The following MCMDC2 variants were observed in gnomAD, a reference collection of about 807,000 sequenced individuals.
MCMDC2 encodes minichromosome maintenance domain-containing protein 2.
A neutral mutation model predicts 75.8 loss-of-function variants in MCMDC2; 54 were observed. The ratio of observed to expected loss-of-function variants is 0.71; its 90% confidence interval spans 0.57 to 0.89. MCMDC2 has a LOEUF of 0.89. Ranked by LOEUF, MCMDC2 falls within the 40% of genes least tolerant of loss-of-function variation. The pLI is 0.00. For synonymous variants in MCMDC2, 249 were observed against 274.6 expected, an observed-to-expected ratio of 0.91 and a Z score of 0.92; for missense variants, 656 against 780.4, an observed-to-expected ratio of 0.84 and a Z score of 1.90.
chr8:66,919,173 A>G lies in MCMDC2; in HGVS notation c.*4A>G. 6.5e-7 allele frequency: 1 copy of G among 1,533,202 alleles called. No individual in the cohort carries two copies. The highest frequency in any genetic ancestry group is 8.8e-7 in the Non-Finnish European group (1 of 1,140,824). 95.0% of individuals were successfully genotyped at this position (1,533,202 alleles called of 1,614,324 possible). A position where few individuals can be genotyped will look rare whatever the true frequency, so the allele number is the denominator to read the frequency against. On this transcript the variant is annotated 3_prime_UTR_variant, in exon 15 of 15. Transcript: ENST00000422365. Reference sequence around the variant, plus strand: ...TATTTTCTCTAGTGATGAATAAGCAATTTGAGGAATTTTTGTTCATTCCTA... The same window carrying G: ...TATTTTCTCTAGTGATGAATAAGCAGTTTGAGGAATTTTTGTTCATTCCTA...
intron 9 of MCMDC2, chr8:66,884,444 C>G (rs894455423): frequency 6.2e-6 from 1 of 162,164 alleles, no homozygotes; most frequent in Admixed American, 6.4e-5. Flanking sequence ...TGGAGTAAGC[C>G]TCTATTTAGC....
At chr8:66,891,384 G>A (rs1036282183) in intron 10 of MCMDC2, among the ~76,000 whole-genome samples, 3 of 152,162 alleles carry the variant, frequency 2.0e-5, no homozygotes, top group Non-Finnish European at 4.4e-5. Context: ...GGACATCCTC[G>A]CCTTGTTCCT....
intron 14 of MCMDC2, among the ~76,000 whole-genome samples, chr8:66,912,977 A>G (rs1023855825): frequency 1.3e-5 from 2 of 152,088 alleles, no homozygotes; most frequent in African/African-American, 4.8e-5. Flanking sequence ...AAAAACCAAC[A>G]TCACATGCTA....
chr8:66,912,939 CAT>C (rs1343426927), intron 14 of MCMDC2, among the ~76,000 whole-genome samples: 1 of 151,300 alleles, frequency 6.6e-6, no homozygotes. Flanking sequence ...TAATAAAAAA[CAT>C]AAATAAAATA....
At chr8:66,878,293 A>G (rs1811391806) in intron 5 of MCMDC2, among the ~76,000 whole-genome samples, 1 of 152,294 alleles carries the variant, frequency 6.6e-6, no homozygotes, top group South Asian at 2.1e-4. Flanking sequence ...ACATATAGAA[A>G]TTGTGTGCTT....
intron 13 of MCMDC2, among the ~76,000 whole-genome samples, chr8:66,904,299 T>G (rs1812822572): frequency 6.6e-6 from 1 of 152,076 alleles, no homozygotes; most frequent in African/African-American, 2.4e-5. Context: ...TAGAAATATT[T>G]AACTTGGAGG....
At chr8:66,918,954 C>A in intron 14 of MCMDC2, 49 bp from the exon 15 acceptor site, 1 of 1,326,584 alleles carries the variant, frequency 7.5e-7, no homozygotes, top group South Asian at 1.9e-5. Context: ...TCATACTTGT[C>A]ATTTTAAGGA....
chr8:66,910,580 C>T (rs547727957), intron 14 of MCMDC2, among the ~76,000 whole-genome samples: 22 of 152,196 alleles, frequency 1.4e-4, no homozygotes, highest in African/African-American at 4.1e-4. Context: ...GAGGCTGAGG[C>T]GGGTGGATCA....
chr8:66,915,567 G>A (rs1357841597), intron 14 of MCMDC2, among the ~76,000 whole-genome samples: 1 of 145,056 alleles, frequency 6.9e-6, no homozygotes, highest in African/African-American at 2.5e-5. Flanking sequence ...TATGATTTTT[G>A]TTCATTCCTA....
chr8:66,922,294 GCAGA>G (rs1352776883), downstream of MCMDC2: 4 of 293,026 alleles, frequency 1.4e-5, no homozygotes, highest in Admixed American at 1.4e-4. Flanking sequence ...TGAACTGTCA[GCAGA>G]CATAGTTGCT....
At chr8:66,882,357 T>C (rs1460439208) in intron 8 of MCMDC2, among the ~76,000 whole-genome samples, 3 of 152,004 alleles carry the variant, frequency 2.0e-5, no homozygotes, top group Non-Finnish European at 2.9e-5. Flanking sequence ...AAGTTTCTTT[T>C]CTTTTTTTTT....
At chr8:66,922,329 G>A, downstream of MCMDC2, 1 of 296,274 alleles carries the variant, frequency 3.4e-6, no homozygotes, top group Non-Finnish European at 6.8e-6. Context: ...CTTACTTGAG[G>A]TAACGAAGCA....
downstream of MCMDC2, among the ~76,000 whole-genome samples, chr8:66,925,080 A>G (rs1184720924): frequency 1.3e-5 from 2 of 152,216 alleles, no homozygotes; most frequent in African/African-American, 2.4e-5. Flanking sequence ...TGCTGGGGAC[A>G]CAAGAGAGAT....
intron 9 of MCMDC2, among the ~76,000 whole-genome samples, chr8:66,887,915 C>G (rs540854126): frequency 2.0e-5 from 3 of 152,280 alleles, no homozygotes; most frequent in Admixed American, 6.5e-5. Context: ...TTTGAACTCT[C>G]TTTTCTAATA....
intron 14 of MCMDC2, among the ~76,000 whole-genome samples, chr8:66,916,421 G>A (rs1185915518): frequency 6.6e-6 from 1 of 152,134 alleles, no homozygotes; most frequent in Non-Finnish European, 1.5e-5. Flanking sequence ...TATTGTGGGG[G>A]CTAGAAGAGA....
Position 66,880,904 on chromosome 8 carries a change from A to G in MCMDC2, c.765A>G (p.Pro255=). Residue 255 remains proline, a synonymous_variant, in exon 8 of 15, where the codon CCA becomes CCG. Transcript: ENST00000422365. ...ATGAATATAAAATTATTGGAATTCC[A>G]ACCTGTGTAAAAACCTCACAAACTG... is the stretch of plus-strand genomic sequence containing the variant. The part of the protein sequence containing the change: ...IGNEYKIIGI[P]TCVKTSQTAV... 6.4e-7 allele frequency: 1 copy of G among 1,570,662 alleles called. No individual in the cohort carries two copies. The highest frequency in any genetic ancestry group is 8.6e-7 in the Non-Finnish European group (1 of 1,159,038).
At chr8:66,874,712 T>C (rs542546376) in intron 4 of MCMDC2, 126 bp downstream of exon 4, 96 of 780,224 alleles carry the variant, frequency 1.2e-4, no homozygotes, top group Non-Finnish European at 1.8e-4. Flanking sequence ...TTCAATAGAA[T>C]ATCTTACATA....
chr8:66,916,211 T>A (rs556866642), intron 14 of MCMDC2, among the ~76,000 whole-genome samples: 1 of 151,730 alleles, frequency 6.6e-6, no homozygotes, highest in Non-Finnish European at 1.5e-5. Flanking sequence ...AGTAACACTA[T>A]AGAAAGACAG....
intron 12 of MCMDC2, among the ~76,000 whole-genome samples, chr8:66,899,802 A>G (rs1201644975): frequency 6.7e-6 from 1 of 149,716 alleles, no homozygotes; most frequent in Non-Finnish European, 1.5e-5. Flanking sequence ...AGCTGTCTCT[A>G]TGCTTTTTTA....
Sources: allele counts gnomAD v4.1 joint callset (sites outside exome capture counted in the v4.1 genomes callset), GRCh38; gene constraint gnomAD v4.1.1; transcripts MANE v1.5; gene names NCBI Gene and HGNC (gene_info 2026-07-23, HGNC 2026-07-21).